The following RASGRP1 variants were observed in gnomAD, a reference collection of about 807,000 sequenced individuals.
The protein encoded by RASGRP1 is RAS guanyl releasing protein 1.
RASGRP1 carries 37 observed loss-of-function variants against 95.1 expected under a neutral mutation model. That is an observed-to-expected ratio of 0.39 (90% CI 0.30 to 0.51). The LOEUF (loss-of-function observed/expected upper bound fraction) is 0.51. Among genes scored for constraint, RASGRP1 ranks in the 20% least tolerant of loss-of-function variants. The pLI is 0.80. For missense variants in RASGRP1, 711 were observed against 965.4 expected (o/e 0.74, Z 3.49); for synonymous variants, 325 against 353.4 (o/e 0.92, Z 0.90).
At chr15:38,542,886 C>CAT (rs1165077294) in intron 2 of RASGRP1, among the ~76,000 whole-genome samples, 4 of 128,896 alleles carry the variant, frequency 3.1e-5, no homozygotes, top group Non-Finnish European at 6.5e-5. Context: ...TATATATACA[C>CAT]ATATATGTGT....
intron 5 of RASGRP1, among the ~76,000 whole-genome samples, chr15:38,517,348 T>C (rs1409992171): frequency 2.0e-5 from 3 of 152,218 alleles, no homozygotes; most frequent in African/African-American, 7.2e-5. Context: ...TGGGCTCTAA[T>C]TTCATCTTTA....
At chr15:38,558,690 T>G (rs1386811449) in intron 2 of RASGRP1, among the ~76,000 whole-genome samples, 1 of 152,242 alleles carries the variant, frequency 6.6e-6, no homozygotes, top group Non-Finnish European at 1.5e-5. Context: ...ATTCTGACAC[T>G]CTAATGTTTG....
At chr15:38,500,453 T>C (rs1420225275) in intron 13 of RASGRP1, among the ~76,000 whole-genome samples, 1 of 152,152 alleles carries the variant, frequency 6.6e-6, no homozygotes, top group Admixed American at 6.5e-5. Flanking sequence ...GCAATTCTCC[T>C]GTCTCAGTTT....
At position 38,512,845 on chromosome 15, in the gene RASGRP1, G is replaced by C. The variant is rs1891592257; in HGVS notation, c.787C>G (p.Leu263Val). ...CGGAGCTGCGGCGTGGGGCGGCTGA[G>C]AACCATCAGTTGTACCCACTGGGAG... ...GISQWVQLMV[L>V]SRPTPQLRAE... The change falls in exon 7 of 17, where the codon CTC (leucine) becomes GTC (valine). Residue 263 changes from leucine to valine, a missense_variant. This residue lies in a region of RASGRP1 where 491 missense variants were observed against 676.6 expected (regional missense o/e 0.73). Coordinates refer to ENST00000310803, the MANE Select transcript of RASGRP1 (RefSeq NM_005739.4). The C allele has an allele frequency of 1.2e-6, 2 of 1,613,578 alleles. No individual in the cohort carries two copies. The highest frequency in any genetic ancestry group is 1.7e-6 in the Non-Finnish European group (2 of 1,179,764).
intron 2 of RASGRP1, among the ~76,000 whole-genome samples, chr15:38,547,737 T>C (rs769238490): frequency 2.0e-5 from 3 of 152,226 alleles, no homozygotes; most frequent in Non-Finnish European, 4.4e-5. Context: ...GCAGACTCAG[T>C]GACTCAGCTT....
intron 2 of RASGRP1, among the ~76,000 whole-genome samples, chr15:38,553,538 T>C (rs1011139623): frequency 3.3e-5 from 5 of 152,158 alleles, no homozygotes; most frequent in Admixed American, 6.5e-5. Context: ...CTCTGACCCA[T>C]GGGGACGGGC....
intron 3 of RASGRP1, among the ~76,000 whole-genome samples, chr15:38,521,878 G>A (rs781051252): frequency 2.0e-5 from 3 of 152,084 alleles, no homozygotes; most frequent in Non-Finnish European, 4.4e-5. Context: ...TCAGAGAACA[G>A]GGAAACTAAG....
At chr15:38,499,732 A>C (rs1407477616) in intron 14 of RASGRP1, among the ~76,000 whole-genome samples, 1 of 151,992 alleles carries the variant, frequency 6.6e-6, no homozygotes, top group East Asian at 1.9e-4. Context: ...CCCCATCCAA[A>C]CCTCACCTTG....
At chr15:38,499,353 G>A (rs1166536828) in intron 14 of RASGRP1, among the ~76,000 whole-genome samples, 1 of 152,214 alleles carries the variant, frequency 6.6e-6, no homozygotes, top group African/African-American at 2.4e-5. Flanking sequence ...TATGTCCTGA[G>A]TGATAAAGGA....
intron 2 of RASGRP1, among the ~76,000 whole-genome samples, chr15:38,541,601 C>CAT (rs570556057): frequency 1.5e-4 from 23 of 151,704 alleles, no homozygotes; most frequent in South Asian, 6.3e-4. Flanking sequence ...TTTATTCATT[C>CAT]ATATATATAT....
intron 3 of RASGRP1, among the ~76,000 whole-genome samples, chr15:38,525,087 C>T (rs1313902942): frequency 6.6e-6 from 1 of 151,884 alleles, no homozygotes; most frequent in East Asian, 1.9e-4. Flanking sequence ...CCTGCCTCAG[C>T]CTCATGAGTA....
In RASGRP1 at chr15:38,521,692, T is replaced by C. The variant is rs182620380; in HGVS notation, c.327-2321A>G. On this transcript the variant is annotated intron_variant, in intron 3 of 16. Transcript: ENST00000310803. ...CTGGAACCCTCAGACCCCATACCTT[T>C]TTCTTTTCTTCATAGCTAGTACTGT... Among the ~76,000 whole-genome samples, 438 of 152,282 alleles carry C rather than the reference T, an allele frequency of 2.9e-3. 1 individual carries two copies. Among genetic ancestry groups the C allele is most frequent in the African/African-American group, 0.01 (419 of 41,560 alleles).
intron 14 of RASGRP1, 26 bp from the exon 15 acceptor site, chr15:38,498,972 G>T (rs566311024): frequency 6.2e-7 from 1 of 1,613,854 alleles, no homozygotes; most frequent in East Asian, 2.2e-5. Context: ...CCTGGGTCAA[G>T]AAGTCTTTCA....
At chr15:38,525,393 T>C (rs181061545) in intron 3 of RASGRP1, among the ~76,000 whole-genome samples, 3 of 152,284 alleles carry the variant, frequency 2.0e-5, no homozygotes, top group East Asian at 3.9e-4. Flanking sequence ...GTTGGTTTCA[T>C]GATGGTTTAA....
At chr15:38,513,658 AAAC>A (rs979530271) in intron 6 of RASGRP1, among the ~76,000 whole-genome samples, 1 of 152,228 alleles carries the variant, frequency 6.6e-6, no homozygotes, top group Non-Finnish European at 1.5e-5. Flanking sequence ...GTTGGCAATG[AAAC>A]AACATGTGTA....
chr15:38,536,758 T>C (rs1351548751), intron 2 of RASGRP1, among the ~76,000 whole-genome samples: 1 of 152,250 alleles, frequency 6.6e-6, no homozygotes, highest in Admixed American at 6.5e-5. Context: ...AATATGCTTT[T>C]CACCACAGAA....
intron 7 of RASGRP1, 25 bp downstream of exon 7, chr15:38,512,758 C>T (rs200807651): frequency 1.2e-6 from 2 of 1,612,918 alleles, no homozygotes; most frequent in Non-Finnish European, 1.7e-6. Context: ...TAGCCCAAGC[C>T]AAATGTCTTA....
In RASGRP1 at chr15:38,488,429, A is replaced by C. The variant is rs1890439703; in HGVS notation, c.*2125T>G. 1 of 149,750 alleles carries C rather than the reference A, an allele frequency of 6.7e-6. No homozygotes were observed. 9.3% of individuals were successfully genotyped at this position (149,750 alleles called of 1,614,324 possible). A position where few individuals can be genotyped will look rare whatever the true frequency, so the allele number is the denominator to read the frequency against. On this transcript the variant is annotated 3_prime_UTR_variant, in exon 17 of 17. Transcript: ENST00000310803. Reference sequence around the variant, plus strand: ...TTTTCCAGATTTCTGTGATCCCACTAGCCCCATGTTGCTCAACACAAATAC... The same window carrying C: ...TTTTCCAGATTTCTGTGATCCCACTCGCCCCATGTTGCTCAACACAAATAC...
Position 38,501,264 on chromosome 15 carries a change from T to C in RASGRP1, c.1562A>G (p.Glu521Gly), listed in dbSNP as rs1891007063. ...KDREGLISRD[E>G]ITAYFMRASS... ...GGCTCTCATGAAGTAGGCTGTGATCTCATCCCTGCTGATGAGGCCTTCCCT... is the reference window on the plus strand; with the variant it reads ...GGCTCTCATGAAGTAGGCTGTGATCCCATCCCTGCTGATGAGGCCTTCCCT... Residue 521 changes from glutamate to glycine, a missense_variant, in exon 13 of 17, where the codon GAG becomes GGG. Glu to Gly is a moderately conservative substitution (Grantham distance 98). Coordinates refer to ENST00000310803, the MANE Select transcript of RASGRP1 (RefSeq NM_005739.4). 1.7e-5 allele frequency: 28 copies of C among 1,612,790 alleles called. No homozygotes were observed. The highest frequency in any genetic ancestry group is 2.4e-5 in the Non-Finnish European group (28 of 1,179,228).
Sources: gnomAD v4.1 joint callset for allele counts (sites outside exome capture counted in the v4.1 genomes callset) on GRCh38, gnomAD v4.1.1 for gene constraint, gnomAD v4.1.1 regional missense constraint, MANE v1.5 for transcripts, NCBI Gene and HGNC (gene_info 2026-07-23, HGNC 2026-07-21) for gene names.